Variants in ROBO1 observed in about 807,000 individuals in gnomAD.
ROBO1 encodes roundabout homolog 1.
Under a neutral mutation model 195.9 loss-of-function variants are expected in ROBO1, and 149 were observed. The observed-to-expected ratio is 0.76, with a 90% CI of 0.67 to 0.87. The LOEUF (loss-of-function observed/expected upper bound fraction) is 0.87, where lower values mean the gene tolerates loss of function less well. Among genes scored for constraint, ROBO1 ranks in the 40% least tolerant of loss-of-function variants. ROBO1 has a pLI of 0.00. For synonymous variants in ROBO1, 816 were observed against 733.2 expected (o/e 1.11, Z -1.82); for missense variants, 1,933 against 2,068.3 (o/e 0.93, Z 1.27).
intron 10 of ROBO1, among the ~76,000 whole-genome samples, chr3:78,682,202 C>T (rs973660121): frequency 4.6e-5 from 7 of 151,668 alleles, no homozygotes; most frequent in African/African-American, 1.7e-4. Context: ...GCCAGTTCTG[C>T]TCACTATATT....
chr3:78,710,302 A>T (rs549708049), intron 8 of ROBO1, among the ~76,000 whole-genome samples: 10 of 152,304 alleles, frequency 6.6e-5, no homozygotes, highest in Middle Eastern at 6.8e-3. Flanking sequence ...CTCCTGCCTC[A>T]ACCTTCCAAT....
At chr3:78,703,602 G>A (rs1458546095) in intron 8 of ROBO1, among the ~76,000 whole-genome samples, 2 of 151,996 alleles carry the variant, frequency 1.3e-5, no homozygotes, top group Non-Finnish European at 2.9e-5. Flanking sequence ...GGAAGAGGAG[G>A]AGGAGGATGA....
At chr3:79,566,024 T>A (rs1943078542) in intron 2 of ROBO1, among the ~76,000 whole-genome samples, 1 of 152,086 alleles carries the variant, frequency 6.6e-6, no homozygotes, top group Non-Finnish European at 1.5e-5. Flanking sequence ...GAGCACTTGT[T>A]TCCTGGATCC....
At chr3:79,189,521 C>T (rs2081500987) in intron 2 of ROBO1, among the ~76,000 whole-genome samples, 1 of 151,548 alleles carries the variant, frequency 6.6e-6, no homozygotes, top group African/African-American at 2.4e-5. Context: ...TTCTGCATAG[C>T]TATAAAATGC....
chr3:79,150,322 G>C (rs538615663), intron 2 of ROBO1, among the ~76,000 whole-genome samples: 1 of 151,462 alleles, frequency 6.6e-6, no homozygotes, highest in Non-Finnish European at 1.5e-5. Flanking sequence ...TGCCAGACCA[G>C]AAATCACAAG....
rs144227880 is a variant in ROBO1 at position 78,993,863 on chromosome 3, T to G, written c.173-54936A>C. ...ATCAAAATCTGTTAAGCCAAAATGG[T>G]TTTTTTTCCCACAAAATCCTGTCAC... On this transcript the variant is annotated intron_variant, in intron 3 of 30. Coordinates refer to ENST00000464233, the MANE Select transcript of ROBO1 (RefSeq NM_002941.4). Among the ~76,000 whole-genome samples the G allele has an allele frequency of 2.7e-3, 408 of 151,930 alleles. 4 individuals carry two copies. Among genetic ancestry groups the G allele is most frequent in the African/African-American group, 9.2e-3 (382 of 41,416 alleles).
intron 2 of ROBO1, among the ~76,000 whole-genome samples, chr3:79,498,350 T>C (rs1455294546): frequency 6.6e-6 from 1 of 152,152 alleles, no homozygotes; most frequent in Non-Finnish European, 1.5e-5. Context: ...ATATTCTATT[T>C]ACGGTAGGCA....
At chr3:78,945,686 T>C (rs1400278686) in intron 3 of ROBO1, among the ~76,000 whole-genome samples, 2 of 151,944 alleles carry the variant, frequency 1.3e-5, no homozygotes, top group Admixed American at 1.3e-4. Flanking sequence ...TTTGACAAAT[T>C]GAGAGAAGAA....
chr3:79,578,855 T>G (rs975583094), intron 2 of ROBO1, among the ~76,000 whole-genome samples: 1 of 152,206 alleles, frequency 6.6e-6, no homozygotes, highest in Non-Finnish European at 1.5e-5. Context: ...TTAACCACAA[T>G]TGTATCACTA....
chr3:78,823,281 T>C (rs1490945961), intron 4 of ROBO1, among the ~76,000 whole-genome samples: 1 of 152,134 alleles, frequency 6.6e-6, no homozygotes, highest in African/African-American at 2.4e-5. Context: ...TTGTGCCTTA[T>C]TGTTAATGAA....
chr3:79,659,175 A>C (rs1365172045), intron 1 of ROBO1, among the ~76,000 whole-genome samples: 1 of 152,120 alleles, frequency 6.6e-6, no homozygotes, highest in African/African-American at 2.4e-5. Context: ...CGGTTGACTC[A>C]AAGCATGCTT....
chr3:78,785,801 T>C (rs191442557), intron 4 of ROBO1, among the ~76,000 whole-genome samples: 42 of 152,304 alleles, frequency 2.8e-4, no homozygotes, highest in African/African-American at 9.9e-4. Context: ...TTCATTTAGT[T>C]TTGTTTTGCA....
intron 8 of ROBO1, among the ~76,000 whole-genome samples, chr3:78,714,138 A>G (rs1449148802): frequency 2.0e-5 from 3 of 152,184 alleles, no homozygotes; most frequent in African/African-American, 7.2e-5. Flanking sequence ...CTACTTGACC[A>G]AGATAGTTTT....
At chr3:79,691,846 C>A (rs1947306923) in intron 1 of ROBO1, among the ~76,000 whole-genome samples, 1 of 151,932 alleles carries the variant, frequency 6.6e-6, no homozygotes, top group Admixed American at 6.6e-5. Flanking sequence ...TTCTACGAAC[C>A]TGGTGTTGCT....
At chr3:79,211,423 C>T (rs1341104295) in intron 2 of ROBO1, among the ~76,000 whole-genome samples, 3 of 152,066 alleles carry the variant, frequency 2.0e-5, no homozygotes, top group African/African-American at 4.8e-5. Context: ...AAGCACTAAT[C>T]AAAACTTCTT....
In ROBO1 at chr3:79,262,799, G is replaced by A. The variant is rs75866980; in HGVS notation, c.89-137260C>T. Among the ~76,000 whole-genome samples, 590 of 152,048 alleles carry A rather than the reference G, an allele frequency of 3.9e-3. 4 individuals carry two copies. Among genetic ancestry groups the A allele is most frequent in the Non-Finnish European group, 5.4e-3 (368 of 67,948 alleles). On this transcript the variant is annotated intron_variant, in intron 2 of 30. Coordinates refer to ENST00000464233, the MANE Select transcript of ROBO1 (RefSeq NM_002941.4). ...TCGACAGAATACACAATGTAAAGTCGTTTGCCAAATTGGGAATTCCATAGT... is the reference window on the plus strand; with the variant it reads ...TCGACAGAATACACAATGTAAAGTCATTTGCCAAATTGGGAATTCCATAGT...
intron 4 of ROBO1, among the ~76,000 whole-genome samples, chr3:78,929,122 C>T (rs1451501862): frequency 6.6e-6 from 1 of 151,900 alleles, no homozygotes; most frequent in Admixed American, 6.6e-5. Flanking sequence ...TTTATTTCTC[C>T]TGACAAATGT....
rs185374577 is a variant in ROBO1, at chr3:79,748,296, C to T, written c.-51+19456G>A. ...TCAGAGGTTATAAAGTAATAATGAA[C>T]AAAAGGGACGCTTGTGAAATACTGT... On this transcript the variant is annotated intron_variant, in intron 1 of 30. Coordinates refer to ENST00000464233, the MANE Select transcript of ROBO1 (RefSeq NM_002941.4). Among the ~76,000 whole-genome samples, 272 of 152,136 alleles carry T rather than the reference C, an allele frequency of 1.8e-3. 2 individuals carry two copies. The highest frequency in any genetic ancestry group is 3.5e-3 in the Non-Finnish European group (235 of 67,992).
chr3:79,724,404 A>G (rs565473750), intron 1 of ROBO1, among the ~76,000 whole-genome samples: 2 of 152,108 alleles, frequency 1.3e-5, no homozygotes, highest in Admixed American at 6.6e-5. Flanking sequence ...AGCCTTGCAT[A>G]CTTCTCTCTT....
Sources: allele counts gnomAD v4.1 joint callset (sites outside exome capture counted in the v4.1 genomes callset), GRCh38; gene constraint gnomAD v4.1.1; transcripts MANE v1.5; gene names NCBI Gene and HGNC (gene_info 2026-07-23, HGNC 2026-07-21).